Variants in SOX5 observed in about 807,000 individuals in gnomAD.
The protein encoded by SOX5 is SRY-box transcription factor 5, also known as transcription factor SOX-5.
A neutral mutation model predicts 92.0 loss-of-function variants in SOX5; 9 were observed. That is an observed-to-expected ratio of 0.10 (90% CI 0.06 to 0.17). The LOEUF (loss-of-function observed/expected upper bound fraction) is 0.17. SOX5 is among the 10% of genes least tolerant of loss of function. SOX5 has a pLI of 1.00. For missense variants in SOX5, 642 were observed against 944.5 expected (o/e 0.68, Z 4.20); for synonymous variants, 344 against 336.3 (o/e 1.02, Z -0.25).
chr12:23,554,750 C>T (rs1448623549), intron 11 of SOX5, among the ~76,000 whole-genome samples: 1 of 152,078 alleles, frequency 6.6e-6, no homozygotes, highest in African/African-American at 2.4e-5. Flanking sequence ...TTCAATGAGA[C>T]CCTTTAAATA....
intron 1 of SOX5, among the ~76,000 whole-genome samples, chr12:24,491,517 T>C (rs979005239): frequency 5.9e-5 from 9 of 151,928 alleles, no homozygotes; most frequent in Middle Eastern, 3.4e-3. Flanking sequence ...GGATTTCAAA[T>C]GTTAGAAATC....
chr12:24,085,686 ATG>A (rs1384028921), intron 4 of SOX5, among the ~76,000 whole-genome samples: 2 of 152,068 alleles, frequency 1.3e-5, no homozygotes, highest in African/African-American at 2.4e-5. Context: ...ATCTAGAAAG[ATG>A]TCTCACCAAC....
chr12:23,960,261 C>T (rs1488888571), intron 4 of SOX5, among the ~76,000 whole-genome samples: 2 of 151,994 alleles, frequency 1.3e-5, no homozygotes, highest in Admixed American at 1.3e-4. Flanking sequence ...GTTAACACAG[C>T]AAAAGCTTAC....
chr12:23,982,987 C>T (rs1208873365), intron 4 of SOX5, among the ~76,000 whole-genome samples: 9 of 151,986 alleles, frequency 5.9e-5, no homozygotes, highest in African/African-American at 2.2e-4. Context: ...TCGGCCTTCA[C>T]CAGCACTTTT....
chr12:24,555,548 T>C (rs535497279), intron 1 of SOX5, among the ~76,000 whole-genome samples: 6 of 152,042 alleles, frequency 3.9e-5, no homozygotes, highest in African/African-American at 1.4e-4. Flanking sequence ...TCGAAAAGAG[T>C]GTAAAATACA....
At chr12:23,713,410 CAT>C (rs1273628439) in intron 6 of SOX5, among the ~76,000 whole-genome samples, 1 of 152,110 alleles carries the variant, frequency 6.6e-6, no homozygotes, top group African/African-American at 2.4e-5. Flanking sequence ...GCACTAATAA[CAT>C]AACAGTTCTA....
chr12:24,360,907 T>C (rs759973704), intron 2 of SOX5, among the ~76,000 whole-genome samples: 1 of 152,160 alleles, frequency 6.6e-6, no homozygotes, highest in South Asian at 2.1e-4. Context: ...AAAGAATAAA[T>C]TGCTATATCT....
intron 3 of SOX5, among the ~76,000 whole-genome samples, chr12:23,816,742 A>G (rs778051155): frequency 6.6e-5 from 10 of 152,184 alleles, no homozygotes; most frequent in Non-Finnish European, 1.5e-4. Context: ...GTAGGAAATG[A>G]GAAGTGGGAC....
intron 1 of SOX5, among the ~76,000 whole-genome samples, chr12:24,551,571 TACGGAGAACAAAACAGATCAC>T (rs1953173208): frequency 6.6e-6 from 1 of 152,092 alleles, no homozygotes; most frequent in Non-Finnish European, 1.5e-5. Context: ...GCTACAATCA[TACGGAGAACAAAACAGATCAC>T]ACGGAGAACA....
chr12:24,322,503 G>A (rs566145758), intron 2 of SOX5, among the ~76,000 whole-genome samples: 42 of 152,288 alleles, frequency 2.8e-4, no homozygotes, highest in Middle Eastern at 6.8e-3. Flanking sequence ...GTATGCACAC[G>A]TAAGTGTGTC....
At position 24,500,229 on chromosome 12, in the gene SOX5, T is replaced by C. The variant is rs73291634; in HGVS notation, c.-251+62100A>G. Among the ~76,000 whole-genome samples the C allele has an allele frequency of 1.9e-3, 293 of 152,348 alleles. 1 individual carries two copies. The highest frequency in any genetic ancestry group is 6.8e-3 in the African/African-American group (282 of 41,588). On this transcript the variant is annotated intron_variant, in intron 1 of 4. Transcript: ENST00000446891. ...AATTTTCAAAATAATCACATACATATATTGAAATGAACATAAATTTTTAAT... is the reference window on the plus strand; with the variant it reads ...AATTTTCAAAATAATCACATACATACATTGAAATGAACATAAATTTTTAAT...
chr12:23,535,366 G>C (rs1030777356), intron 14 of SOX5, among the ~76,000 whole-genome samples: 1 of 152,180 alleles, frequency 6.6e-6, no homozygotes, highest in Non-Finnish European at 1.5e-5. Flanking sequence ...TAGGAAGCAG[G>C]AGCAGCTTCA....
chr12:23,624,666 G>C (rs1372716377), intron 8 of SOX5, among the ~76,000 whole-genome samples: 1 of 152,210 alleles, frequency 6.6e-6, no homozygotes, highest in African/African-American at 2.4e-5. Flanking sequence ...TTCTGAGGAG[G>C]AGATTGGAGA....
chr12:23,985,610 C>CATAG (rs1001092295), intron 4 of SOX5, among the ~76,000 whole-genome samples: 2 of 151,946 alleles, frequency 1.3e-5, no homozygotes, highest in Non-Finnish European at 2.9e-5. Context: ...GAAGAGCCTT[C>CATAG]ATAGATACAC....
At chr12:24,164,601 C>T (rs1953168398) in intron 4 of SOX5, among the ~76,000 whole-genome samples, 1 of 151,986 alleles carries the variant, frequency 6.6e-6, no homozygotes, top group African/African-American at 2.4e-5. Flanking sequence ...TAATTTATAC[C>T]AAATCACTAT....
intron 1 of SOX5, among the ~76,000 whole-genome samples, chr12:24,524,336 C>T (rs995087665): frequency 7.4e-6 from 1 of 135,594 alleles, no homozygotes; most frequent in Admixed American, 7.6e-5. Context: ...AATAAATCCC[C>T]TCCCATCTAT....
chr12:23,643,008 A>G, intron 7 of SOX5, among the ~76,000 whole-genome samples: 1 of 133,216 alleles, frequency 7.5e-6, no homozygotes, highest in East Asian at 2.4e-4. Flanking sequence ...AATGGCATGA[A>G]CCCGGGAGGC....
Position 23,787,762 on chromosome 12 carries a change from T to G in SOX5, c.482-32038A>C, listed in dbSNP as rs143627233. On this transcript the variant is annotated intron_variant, in intron 3 of 14. Coordinates refer to ENST00000451604, the MANE Select transcript of SOX5 (RefSeq NM_006940.6). ...AGACTTCAACTTAGTATAGGTTGAT[T>G]AAAAAACTAGAAACATTATTGATGT... 2.8e-3 allele frequency among the ~76,000 whole-genome samples: 426 copies of G among 152,010 alleles called. 6 individuals carry two copies. The highest frequency in any genetic ancestry group is 1.0e-2 in the African/African-American group (415 of 41,524).
chr12:23,616,029 T>G (rs2076516389), intron 8 of SOX5, among the ~76,000 whole-genome samples: 1 of 152,158 alleles, frequency 6.6e-6, no homozygotes. Context: ...AAAAAGTAAT[T>G]TTTTATTCTT....
Sources: allele counts gnomAD v4.1 joint callset (sites outside exome capture counted in the v4.1 genomes callset), GRCh38; gene constraint gnomAD v4.1.1; transcripts MANE v1.5; gene names NCBI Gene and HGNC (gene_info 2026-07-23, HGNC 2026-07-21).